ERO1A: variants seen among roughly 807,000 people sequenced by gnomAD.
ERO1A encodes the protein endoplasmic reticulum oxidoreductase 1 alpha, also known as ERO1-like protein alpha.
ERO1A carries 49 observed loss-of-function variants against 76.9 expected under a neutral mutation model. That is an observed-to-expected ratio of 0.64 (90% CI 0.51 to 0.81). The LOEUF (loss-of-function observed/expected upper bound fraction) is 0.81. Ranked by LOEUF, ERO1A falls within the 30% of genes least tolerant of loss-of-function variation. The probability of loss-of-function intolerance (pLI) is 0.00; values close to 1 mark genes in which losing one functional copy is unlikely to be tolerated. For missense variants in ERO1A, 448 were observed against 542.1 expected (o/e 0.83, Z 1.72); for synonymous variants, 174 against 181.2 (o/e 0.96, Z 0.32).
At position 52,643,531 on chromosome 14, in the gene ERO1A, T is replaced by G; in HGVS notation, c.*39A>C. 7.4e-7 allele frequency: 1 copy of G among 1,351,358 alleles called. No individual in the cohort carries two copies. Among genetic ancestry groups the G allele is most frequent in the Non-Finnish European group, 9.9e-7 (1 of 1,007,844 alleles). The allele number at this position is 1,351,358 out of a possible 1,614,324, so 83.7% of individuals were successfully genotyped here. ...TTGAATGAAATTCCACTCTTTCGCC[T>G]CCATTGTCCAGAAACAGGCACATAT... On this transcript the variant is annotated 3_prime_UTR_variant, in exon 16 of 16. Coordinates refer to ENST00000395686, the MANE Select transcript of ERO1A (RefSeq NM_014584.3).
At position 52,678,547 on chromosome 14, in the gene ERO1A, T is replaced by A. The variant is rs2040880866; in HGVS notation, c.319-75A>T. On this transcript the variant is annotated intron_variant, in intron 3 of 15. Coordinates refer to ENST00000395686, the MANE Select transcript of ERO1A (RefSeq NM_014584.3). ...AAAACATATCTTAAATTTCTGTGAT[T>A]TATGAGAAAAATTCATATAACAAAT... 4 of 1,316,708 alleles carry A rather than the reference T, an allele frequency of 3.0e-6. No homozygotes were observed. The South Asian group carries it at 3.7e-5, about 12-fold the overall frequency. 81.6% of individuals were successfully genotyped at this position (1,316,708 alleles called of 1,614,324 possible).
At chr14:52,660,746 T>C (rs550764547) in intron 9 of ERO1A, among the ~76,000 whole-genome samples, 1 of 152,238 alleles carries the variant, frequency 6.6e-6, no homozygotes, top group African/African-American at 2.4e-5. Flanking sequence ...TTAAGTCTTT[T>C]CATATTGTTA....
chr14:52,683,184 G>A (rs375137451), intron 2 of ERO1A, among the ~76,000 whole-genome samples: 96 of 152,242 alleles, frequency 6.3e-4, no homozygotes, highest in African/African-American at 2.1e-3. Flanking sequence ...ACTCCAGCCT[G>A]GGTGACAAAG....
chr14:52,677,864 T>TAAAAAAAAAAAAAA (rs71267893), intron 4 of ERO1A, among the ~76,000 whole-genome samples: 1 of 87,140 alleles, frequency 1.1e-5, no homozygotes, highest in Non-Finnish European at 2.1e-5. Context: ...CCTTTTATCT[T>TAAAAAAAAAAAAAA]AAAAAAAAAA....
intron 6 of ERO1A, among the ~76,000 whole-genome samples, chr14:52,669,536 G>A (rs78922419): frequency 7.2e-5 from 11 of 152,216 alleles, no homozygotes; most frequent in South Asian, 2.1e-4. Context: ...GGGACCATGC[G>A]TGTCTCGGCT....
intron 4 of ERO1A, among the ~76,000 whole-genome samples, chr14:52,676,496 T>C (rs2139736168): frequency 6.6e-6 from 1 of 152,310 alleles, no homozygotes; most frequent in East Asian, 1.9e-4. Flanking sequence ...GGCAGCAGTA[T>C]GCAACACCTT....
At chr14:52,652,124 C>T (rs1199768717) in intron 13 of ERO1A, 115 bp downstream of exon 13, 3 of 571,478 alleles carry the variant, frequency 5.2e-6, no homozygotes, top group Admixed American at 3.0e-5. Flanking sequence ...GAGCCACTGC[C>T]CCTGGCCTAC....
chr14:52,681,941 C>T (rs964131862), intron 3 of ERO1A, among the ~76,000 whole-genome samples: 27 of 152,032 alleles, frequency 1.8e-4, no homozygotes, highest in Admixed American at 1.6e-3. Context: ...CCTAATAAGT[C>T]AAAGGATTAT....
In ERO1A at chr14:52,672,045, C is replaced by G. The variant is rs2040617179; in HGVS notation, c.358-174G>C. On this transcript the variant is annotated intron_variant, in intron 4 of 15. Transcript: ENST00000395686. ...TCAGGCCAGGTACGGTGGCTCACGC[C>G]TATAATCCCGGCACTGTGGGAGCCC... 1.5e-5 allele frequency: 8 copies of G among 519,516 alleles called. No homozygotes were observed. The South Asian group carries it at 1.9e-4, about 13-fold the overall frequency. The allele number at this position is 519,516 out of a possible 1,614,324, so 32.2% of individuals were successfully genotyped here.
intron 3 of ERO1A, among the ~76,000 whole-genome samples, chr14:52,681,674 C>T (rs1264086372): frequency 6.6e-6 from 1 of 151,944 alleles, no homozygotes; most frequent in African/African-American, 2.4e-5. Flanking sequence ...AATTGTCATT[C>T]AAAAATATTT....
At position 52,671,886 on chromosome 14, in the gene ERO1A, G is replaced by A; in HGVS notation, c.358-15C>T. 6.7e-7 allele frequency: 1 copy of A among 1,486,778 alleles called. No homozygotes were observed. Among genetic ancestry groups the A allele is most frequent in the South Asian group, 1.2e-5 (1 of 82,524 alleles). 92.1% of individuals were successfully genotyped at this position (1,486,778 alleles called of 1,614,324 possible). ...TCTTCAGAATACTAAAATGAAAAAG[G>A]GAATAAATAGATAATAACTTATTGC... On this transcript the variant is annotated splice_polypyrimidine_tract_variant and intron_variant, in intron 4 of 15. Coordinates refer to ENST00000395686, the MANE Select transcript of ERO1A (RefSeq NM_014584.3).
intron 9 of ERO1A, among the ~76,000 whole-genome samples, chr14:52,659,589 T>G (rs899701368): frequency 2.6e-5 from 4 of 152,152 alleles, no homozygotes; most frequent in African/African-American, 9.7e-5. Flanking sequence ...GTGAAAGAAT[T>G]AAATAAAATC....
chr14:52,656,757 C>T (rs1039261350), intron 11 of ERO1A, among the ~76,000 whole-genome samples: 2 of 151,268 alleles, frequency 1.3e-5, no homozygotes, highest in African/African-American at 2.4e-5. Context: ...GAGTTTAAAC[C>T]GCCATTTAAA....
intron 4 of ERO1A, 172 bp from the exon 5 acceptor site, chr14:52,672,043 G>A (rs192678872): frequency 2.0e-4 from 106 of 526,008 alleles, no homozygotes; most frequent in African/African-American, 1.6e-3. Flanking sequence ...GGTGGCTCAC[G>A]CCTATAATCC....
At chr14:52,668,440 G>A (rs1011385297) in intron 6 of ERO1A, among the ~76,000 whole-genome samples, 24 of 152,078 alleles carry the variant, frequency 1.6e-4, no homozygotes, top group African/African-American at 5.5e-4. Flanking sequence ...AGCTACTCGG[G>A]AGGCTGAGGC....
At chr14:52,680,506 A>G (rs1318854291) in intron 3 of ERO1A, among the ~76,000 whole-genome samples, 3 of 152,208 alleles carry the variant, frequency 2.0e-5, no homozygotes, top group Admixed American at 1.3e-4. Context: ...CAATAACTGT[A>G]AAGTATTTGT....
intron 3 of ERO1A, among the ~76,000 whole-genome samples, chr14:52,679,261 G>C (rs538055858): frequency 6.6e-6 from 1 of 152,140 alleles, no homozygotes. Flanking sequence ...TACTTTACCA[G>C]TCTCTTCCCC....
At chr14:52,672,956 T>C (rs1469166607) in intron 4 of ERO1A, among the ~76,000 whole-genome samples, 1 of 152,090 alleles carries the variant, frequency 6.6e-6, no homozygotes, top group East Asian at 1.9e-4. Context: ...CCCAAACACA[T>C]TTATAACATT....
In ERO1A at chr14:52,671,799, G is replaced by A. The variant is rs1296804154; in HGVS notation, c.430C>T (p.Leu144=). 4 of 1,605,576 alleles carry A rather than the reference G, an allele frequency of 2.5e-6. No homozygotes were observed. Among genetic ancestry groups the A allele is most frequent in the Non-Finnish European group, 3.4e-6 (4 of 1,175,728 alleles). The change falls in exon 5 of 16, where the codon CTG becomes TTG. Residue 144 remains leucine, a synonymous_variant. Transcript: ENST00000395686. Reference sequence around the variant, plus strand: ...TGCTGAAAAATAAAATCAAACCTCAGAGATTCATCCACTGCTCCAAGTCGT... The same window carrying A: ...TGCTGAAAAATAAAATCAAACCTCAAAGATTCATCCACTGCTCCAAGTCGT... ...AERLGAVDES[L]SEETQKAVLQ... is the part of the protein sequence containing the mutation.
Sources: gnomAD v4.1 joint callset for allele counts (sites outside exome capture counted in the v4.1 genomes callset) on GRCh38, gnomAD v4.1.1 for gene constraint, MANE v1.5 for transcripts, NCBI Gene and HGNC (gene_info 2026-07-23, HGNC 2026-07-21) for gene names.